LATS2: variants seen among roughly 807,000 people sequenced by gnomAD.
LATS2 encodes the protein serine/threonine-protein kinase LATS2.
In LATS2, 24 loss-of-function variants were observed where a neutral mutation model predicts 76.0. That is an observed-to-expected ratio of 0.32 (90% CI 0.23 to 0.44). The LOEUF is 0.44. Ranked by LOEUF, LATS2 falls within the 20% of genes least tolerant of loss-of-function variation. The pLI is 1.00. For synonymous variants in LATS2, 692 were observed against 635.4 expected (o/e 1.09, Z -1.34); for missense variants, 1,286 against 1,481.2 (o/e 0.87, Z 2.16).
chr13:20,979,852 G>T, intron 6 of LATS2, 55 bp from the exon 7 acceptor site: 1 of 973,022 alleles, frequency 1.0e-6, no homozygotes, highest in Non-Finnish European at 1.6e-6. Context: ...CCTCCGAGGT[G>T]AATTTCATTA....
At chr13:21,009,445 CTT>C (rs1390214223) in intron 2 of LATS2, among the ~76,000 whole-genome samples, 1 of 152,198 alleles carries the variant, frequency 6.6e-6, no homozygotes, top group African/African-American at 2.4e-5. Context: ...TTCCCATACT[CTT>C]TGGGCCCAGC....
intron 2 of LATS2, among the ~76,000 whole-genome samples, chr13:20,993,361 T>C (rs1023979107): frequency 6.6e-5 from 10 of 152,192 alleles, no homozygotes; most frequent in African/African-American, 2.2e-4. Flanking sequence ...TGTCCATATA[T>C]GATGGTCTAA....
intron 5 of LATS2, among the ~76,000 whole-genome samples, 198 bp from the exon 6 acceptor site, chr13:20,981,846 G>A (rs558962736): frequency 3.9e-5 from 6 of 152,176 alleles, no homozygotes; most frequent in Non-Finnish European, 7.3e-5. Flanking sequence ...CACACGTGGT[G>A]AGGTTGGCGC....
rs375149933 is a variant in LATS2 at position 20,989,224 on chromosome 13, G to A, written c.556C>T (p.Leu186=). 1.2e-6 allele frequency: 2 copies of A among 1,613,948 alleles called. No homozygotes were observed. The highest frequency in any genetic ancestry group is 1.7e-6 in the Non-Finnish European group (2 of 1,180,030). ...GGGCCCTCGTAGGGGGTACCGCTCA[G>A]CTGGTGGTAGGACGCAAACGAATCG... ...TGDSFASYHQ[L]SGTPYEGPSF... is the part of the protein sequence containing the mutation. The change falls in exon 4 of 8, where the codon CTG becomes TTG. Residue 186 remains leucine (L), a synonymous_variant. Coordinates refer to ENST00000382592, the MANE Select transcript of LATS2 (RefSeq NM_014572.3).
At chr13:20,993,158 C>T (rs533613846) in intron 2 of LATS2, among the ~76,000 whole-genome samples, 20 of 152,282 alleles carry the variant, frequency 1.3e-4, no homozygotes, top group South Asian at 4.1e-4. Flanking sequence ...AGAGCCACTC[C>T]GCAGAGAGAG....
intron 2 of LATS2, among the ~76,000 whole-genome samples, chr13:21,041,280 T>C (rs963360314): frequency 1.3e-5 from 2 of 152,046 alleles, no homozygotes; most frequent in Admixed American, 1.3e-4. Flanking sequence ...CCCACTCCCT[T>C]TTCTTATTAA....
intron 1 of LATS2, among the ~76,000 whole-genome samples, chr13:21,051,385 A>G (rs1873270644): frequency 6.6e-6 from 1 of 152,210 alleles, no homozygotes; most frequent in Non-Finnish European, 1.5e-5. Flanking sequence ...TGTCACAATG[A>G]AAGTTTGCCC....
At chr13:20,996,653 T>TTA (rs941450606) in intron 2 of LATS2, among the ~76,000 whole-genome samples, 5 of 152,208 alleles carry the variant, frequency 3.3e-5, no homozygotes, top group African/African-American at 1.2e-4. Context: ...GGTGCTGGGA[T>TTA]TATAGGTGTG....
At chr13:21,022,109 T>C (rs1378374197) in intron 2 of LATS2, among the ~76,000 whole-genome samples, 2 of 152,144 alleles carry the variant, frequency 1.3e-5, no homozygotes, top group Non-Finnish European at 2.9e-5. Context: ...AAAATACCAA[T>C]GCCCAGAATC....
At chr13:21,011,066 A>G (rs529336735) in intron 2 of LATS2, among the ~76,000 whole-genome samples, 35 of 152,396 alleles carry the variant, frequency 2.3e-4, no homozygotes, top group African/African-American at 8.4e-4. Context: ...GTTCACACAT[A>G]TATCAACATG....
chr13:21,020,474 T>C (rs771762456), intron 2 of LATS2, among the ~76,000 whole-genome samples: 7 of 152,190 alleles, frequency 4.6e-5, no homozygotes, highest in Non-Finnish European at 8.8e-5. Flanking sequence ...TAAACTTTTG[T>C]AACCAAAATA....
intron 4 of LATS2, 25 bp downstream of exon 4, chr13:20,987,856 T>C (rs747657256): frequency 6.2e-6 from 10 of 1,604,012 alleles, no homozygotes; most frequent in African/African-American, 1.3e-5. Flanking sequence ...CGGGAACAAA[T>C]AGTAAAAATG....
At chr13:20,998,898 G>A (rs1432902648) in intron 2 of LATS2, among the ~76,000 whole-genome samples, 1 of 152,162 alleles carries the variant, frequency 6.6e-6, no homozygotes, top group African/African-American at 2.4e-5. Context: ...GGGGGCCCTG[G>A]CGACGTTGTC....
intron 2 of LATS2, among the ~76,000 whole-genome samples, chr13:21,041,066 G>C (rs1193323459): frequency 6.6e-6 from 1 of 151,882 alleles, no homozygotes; most frequent in African/African-American, 2.4e-5. Flanking sequence ...TCCGCCTCCT[G>C]GGTTCACACC....
chr13:20,987,806 G>A, intron 4 of LATS2, 75 bp downstream of exon 4: 2 of 1,513,366 alleles, frequency 1.3e-6, no homozygotes, highest in South Asian at 2.5e-5. Flanking sequence ...AAACAGAAAA[G>A]GGATTGTGCG....
intron 2 of LATS2, among the ~76,000 whole-genome samples, chr13:21,011,366 T>G (rs1871587041): frequency 6.6e-6 from 1 of 152,234 alleles, no homozygotes; most frequent in South Asian, 2.1e-4. Context: ...TGGACTCTGA[T>G]ACTTTGCTAC....
Position 20,988,800 on chromosome 13 carries a change from T to C in LATS2, c.980A>G (p.Gln327Arg). The change falls in exon 4 of 8, where the codon CAG (glutamine) becomes CGG (arginine). Residue 327 changes from glutamine to arginine, a missense_variant. Gln to Arg is a conservative substitution (Grantham distance 43). Coordinates refer to ENST00000382592, the MANE Select transcript of LATS2 (RefSeq NM_014572.3). ...GCTGCGGGAGCCCAGCACATGCAGC[T>C]GGTGGGCCGCGGGACCGGCCTGCTT... ...HHKQAGPAAHQLHVLGSRSQV... is the reference protein window; with the variant it reads ...HHKQAGPAAHRLHVLGSRSQV... 2 of 1,595,306 alleles carry C rather than the reference T, an allele frequency of 1.3e-6. No homozygotes were observed. Among genetic ancestry groups the C allele is most frequent in the Non-Finnish European group, 1.7e-6 (2 of 1,176,736 alleles).
In LATS2 at chr13:20,988,969, G is replaced by A. The variant is rs746991718; in HGVS notation, c.811C>T (p.Arg271Cys). 5.2e-6 allele frequency: 8 copies of A among 1,539,644 alleles called. No homozygotes were observed. In the African/African-American group the frequency reaches 6.8e-5, roughly 13 times the overall value. The part of the protein sequence containing the change: ...PGEPLGYGVQ[R>C]SPSFQSKTPP... ...GTCTTGCTCTGGAAGGAGGGGCTGC[G>A]CTGCACTCCGTAGCCCAGGGGTTCC... Residue 271 changes from arginine to cysteine, a missense_variant, in exon 4 of 8, where the codon CGC (arginine) becomes TGC (cysteine). By Grantham distance (180) the Arg-to-Cys change is radical (BLOSUM62 -3). This residue lies in a region of LATS2 where 710 missense variants were observed against 660.9 expected (regional missense o/e 1.07). Transcript: ENST00000382592.
rs1054746367 is a variant in LATS2 at position 21,033,122 on chromosome 13, G to GA, written c.342+12562dup. Among the ~76,000 whole-genome samples, 1,147 of 139,606 alleles carry GA rather than the reference G, an allele frequency of 8.2e-3. 13 individuals are homozygous for GA. Among genetic ancestry groups the GA allele is most frequent in the African/African-American group, 0.013 (501 of 38,024 alleles). 91.6% of individuals were successfully genotyped at this position (139,606 alleles called of 152,430 possible). On this transcript the variant is annotated intron_variant, in intron 2 of 7. Coordinates refer to ENST00000382592, the MANE Select transcript of LATS2 (RefSeq NM_014572.3). ...GTGTTAGCAGCAAAGACACTTAAGA[G>GA]AAAAAAAAAAAATAGCAGGCCACCG...
Sources: allele counts gnomAD v4.1 joint callset (sites outside exome capture counted in the v4.1 genomes callset), GRCh38; gene constraint gnomAD v4.1.1; regional missense constraint gnomAD v4.1.1; transcripts MANE v1.5; gene names NCBI Gene and HGNC (gene_info 2026-07-23, HGNC 2026-07-21).